The following RIMOC1 variants were observed in gnomAD, a reference collection of about 807,000 sequenced individuals.
RIMOC1 encodes RAB7A interacting MON1-CCZ1 complex subunit 1, also known as RAB7A-interacting MON1-CCZ1 complex subunit 1.
At chr5:41,910,931 A>G in the RIMOC1 span, 9 of 1,175,718 alleles carry the variant, frequency 7.7e-6, 1 homozygote, top group East Asian at 2.0e-4. Flanking sequence ...CAGCTAAACA[A>G]AGGGAACATT....
chr5:41,910,126 A>AT, the RIMOC1 span, among the ~76,000 whole-genome samples: 12 of 151,768 alleles, frequency 7.9e-5, no homozygotes, highest in African/African-American at 2.4e-4. Flanking sequence ...GTGCCTAATC[A>AT]TTTTTTTTAA....
At chr5:41,907,420 A>G in the RIMOC1 span, among the ~76,000 whole-genome samples, 1 of 152,088 alleles carries the variant, frequency 6.6e-6, no homozygotes, top group Admixed American at 6.5e-5. Flanking sequence ...AAATTTGTTT[A>G]ATTATTTTGA....
chr5:41,915,159 A>G, the RIMOC1 span, among the ~76,000 whole-genome samples: 1 of 152,206 alleles, frequency 6.6e-6, no homozygotes, highest in Admixed American at 6.5e-5. Context: ...CTTCTGTGAA[A>G]TGGGGCCAGA....
chr5:41,917,031 T>C, the RIMOC1 span: 1 of 1,591,792 alleles, frequency 6.3e-7, no homozygotes, highest in Non-Finnish European at 8.6e-7. Flanking sequence ...TTTAGTGACA[T>C]TCATCTGCTG....
chr5:41,904,488 G>A, the RIMOC1 span: 1 of 1,609,582 alleles, frequency 6.2e-7, no homozygotes. Flanking sequence ...GGAGGAGAGG[G>A]AGGCGGGCGG....
chr5:41,913,336 G>T, the RIMOC1 span, among the ~76,000 whole-genome samples: 1 of 152,196 alleles, frequency 6.6e-6, no homozygotes, highest in Non-Finnish European at 1.5e-5. Context: ...TACTAAGAAG[G>T]GGGTATTGGG....
At chr5:41,913,594 C>A in the RIMOC1 span, among the ~76,000 whole-genome samples, 1 of 152,142 alleles carries the variant, frequency 6.6e-6, no homozygotes, top group East Asian at 1.9e-4. Flanking sequence ...TATACTTCAT[C>A]TGAAGTTTTG....
At chr5:41,905,373 C>A in the RIMOC1 span, among the ~76,000 whole-genome samples, 1 of 152,182 alleles carries the variant, frequency 6.6e-6, no homozygotes, top group African/African-American at 2.4e-5. Context: ...GAGTATCATT[C>A]TGTTGCTCAG....
the RIMOC1 span, chr5:41,911,266 AT>A: frequency 2.4e-6 from 3 of 1,251,698 alleles, no homozygotes; most frequent in African/African-American, 1.5e-5. Context: ...AGAGTAGTGG[AT>A]CAAAGGGTCT....
the RIMOC1 span, chr5:41,911,025 A>G: frequency 6.3e-7 from 1 of 1,597,662 alleles, no homozygotes; most frequent in Non-Finnish European, 8.5e-7. Flanking sequence ...CTTTTTAGCT[A>G]TGTCTTTTTT....
chr5:41,907,701 A>G, the RIMOC1 span: 1 of 1,315,562 alleles, frequency 7.6e-7, no homozygotes, highest in South Asian at 1.3e-5. Flanking sequence ...CTCTGAAACT[A>G]GGTGAAGTAA....
At chr5:41,910,999 T>C in the RIMOC1 span, 1 of 1,582,222 alleles carries the variant, frequency 6.3e-7, no homozygotes, top group South Asian at 1.2e-5. Flanking sequence ...TCAACTTTTA[T>C]AGACATCCAG....
the RIMOC1 span, among the ~76,000 whole-genome samples, chr5:41,913,222 A>G: frequency 6.6e-6 from 1 of 152,156 alleles, no homozygotes; most frequent in Non-Finnish European, 1.5e-5. Context: ...CCTCCATTTC[A>G]CTGGCCAGAA....
the RIMOC1 span, chr5:41,911,390 CT>C: frequency 2.9e-5 from 10 of 340,434 alleles, no homozygotes; most frequent in South Asian, 1.7e-4. Context: ...CTGCGAAGTT[CT>C]TTTTTTAAGG....
chr5:41,917,836 T>A, the RIMOC1 span: 1 of 823,066 alleles, frequency 1.2e-6, no homozygotes, highest in Non-Finnish European at 1.5e-6. Context: ...GGAATCATTG[T>A]GTTTAATTAT....
At chr5:41,908,697 T>C in the RIMOC1 span, among the ~76,000 whole-genome samples, 1 of 152,148 alleles carries the variant, frequency 6.6e-6, no homozygotes, top group Non-Finnish European at 1.5e-5. Context: ...TTCAGAAGAC[T>C]CTGTGCTTGT....
At chr5:41,904,901 T>C in the RIMOC1 span, among the ~76,000 whole-genome samples, 1 of 152,238 alleles carries the variant, frequency 6.6e-6, no homozygotes. Flanking sequence ...AATTTGCGTT[T>C]TACGTTTTGG....
the RIMOC1 span, chr5:41,918,705 C>T: frequency 5.5e-5 from 54 of 985,448 alleles, 1 homozygote; most frequent in African/African-American, 9.4e-4. Context: ...TCTCCCATTT[C>T]CCGCTGTGGC....
the RIMOC1 span, among the ~76,000 whole-genome samples, chr5:41,914,474 A>ACAAAAC: frequency 2.0e-5 from 3 of 151,616 alleles, no homozygotes; most frequent in African/African-American, 7.3e-5. Context: ...ACAAAACAAA[A>ACAAAAC]CAAAACAAAA....
Sources: allele counts gnomAD v4.1 joint callset (sites outside exome capture counted in the v4.1 genomes callset), GRCh38; gene constraint gnomAD v4.1.1; transcripts MANE v1.5; gene names NCBI Gene and HGNC (gene_info 2026-07-23, HGNC 2026-07-21).